Variants in MAST2 observed in about 807,000 individuals in gnomAD.
MAST2 encodes microtubule associated serine/threonine kinase 2.
In MAST2, 70 loss-of-function variants were observed where a neutral mutation model predicts 147.4. The observed-to-expected ratio is 0.47, with a 90% CI of 0.39 to 0.58. The LOEUF (loss-of-function observed/expected upper bound fraction) is 0.58. Among genes scored for constraint, MAST2 ranks in the 20% least tolerant of loss-of-function variants. MAST2 has a pLI of 0.00. For synonymous variants in MAST2, 869 were observed against 896.8 expected, an observed-to-expected ratio of 0.97 and a Z score of 0.55; for missense variants, 2,080 against 2,302.3, an observed-to-expected ratio of 0.90 and a Z score of 1.98.
chr1:46,031,185 C>A lies in MAST2; in HGVS notation c.2887C>A (p.Pro963Thr). 6.3e-7 allele frequency: 1 copy of A among 1,582,050 alleles called. No homozygotes were observed. Among genetic ancestry groups the A allele is most frequent in the Non-Finnish European group, 8.6e-7 (1 of 1,159,550 alleles). Reference protein sequence around the residue: ...QPQEGIWVLTPPSGEGVSGPV... With the variant: ...QPQEGIWVLTTPSGEGVSGPV... ...ACAGGAGGGTATATGGGTCCTGACA[C>A]CCCCATCTGGAGAGGGGGTATCTGG... The change falls in exon 23 of 29, where the codon CCC becomes ACC. Residue 963 changes from proline (P) to threonine (T), a missense_variant. Coordinates refer to ENST00000361297, the MANE Select transcript of MAST2 (RefSeq NM_015112.3). This position sits in a 1 kb window ranked among gnomAD's most constrained non-coding sequence, Gnocchi z 4.1.
At position 45,866,606 on chromosome 1, in the gene MAST2, A is replaced by G. The variant is rs548741730; in HGVS notation, c.469-15758A>G. Among the ~76,000 whole-genome samples the G allele has an allele frequency of 3.9e-5, 6 of 152,276 alleles. No homozygotes were observed. The South Asian group carries it at 8.3e-4, about 21-fold the overall frequency. ...CCTGAGTCAGTCTCTAGTATTTGCT[A>G]CCTTGTTTACTGATGCCCTTCCTCT... On this transcript the variant is annotated intron_variant, in intron 3 of 28. Transcript: ENST00000361297.
At chr1:45,822,264 G>A (rs959776433) in intron 1 of MAST2, among the ~76,000 whole-genome samples, 1 of 152,066 alleles carries the variant, frequency 6.6e-6, no homozygotes, top group Non-Finnish European at 1.5e-5. Context: ...TCTATGCTTA[G>A]GTATGTGTAC....
intron 7 of MAST2, among the ~76,000 whole-genome samples, chr1:46,003,956 G>C (rs923236822): frequency 6.6e-6 from 1 of 152,040 alleles, no homozygotes; most frequent in Non-Finnish European, 1.5e-5. Flanking sequence ...CCTGAATCTC[G>C]AGCAGGGAAA....
intron 4 of MAST2, among the ~76,000 whole-genome samples, chr1:45,930,242 T>C (rs890429250): frequency 2.6e-5 from 4 of 151,986 alleles, no homozygotes; most frequent in East Asian, 3.9e-4. Flanking sequence ...CACGCCTGGC[T>C]AATTTTTTTT....
intron 5 of MAST2, among the ~76,000 whole-genome samples, chr1:45,977,997 C>T (rs1477679479): frequency 6.6e-6 from 1 of 152,062 alleles, no homozygotes; most frequent in Admixed American, 6.6e-5. Context: ...GGGCGGATCA[C>T]TTGAGCCGAG....
At chr1:45,875,126 T>C (rs1646547581) in intron 3 of MAST2, among the ~76,000 whole-genome samples, 1 of 152,110 alleles carries the variant, frequency 6.6e-6, no homozygotes. Context: ...ATTGCAGAAT[T>C]ATAAGAGAGA....
intron 22 of MAST2, 49 bp from the exon 23 acceptor site, chr1:46,030,958 G>A: frequency 6.3e-7 from 1 of 1,588,106 alleles, no homozygotes; most frequent in South Asian, 1.1e-5. Context: ...GACCTGGCAG[G>A]AGGAGGGGGA....
intron 5 of MAST2, among the ~76,000 whole-genome samples, chr1:45,961,684 A>C (rs545558880): frequency 3.3e-5 from 5 of 152,334 alleles, no homozygotes; most frequent in African/African-American, 7.2e-5. Flanking sequence ...ACTGTAGACT[A>C]TACTTATCCA....
chr1:45,814,403 T>C (rs1027602176), intron 1 of MAST2, among the ~76,000 whole-genome samples: 2 of 152,194 alleles, frequency 1.3e-5, no homozygotes, highest in Non-Finnish European at 1.5e-5. Context: ...ATCTCGACCC[T>C]GTGTAGGCCT....
rs137942576 is a variant in MAST2 at position 45,830,140 on chromosome 1, G to A, written c.468+559G>A. Among the ~76,000 whole-genome samples the A allele has an allele frequency of 5.2e-3, 768 of 147,974 alleles. 7 individuals carry two copies. Among genetic ancestry groups the A allele is most frequent in the Non-Finnish European group, 9.4e-3 (628 of 67,112 alleles). Reference sequence around the variant, plus strand: ...CCAAAGTGCTGGGATTACAGGTGTGGGCCACCACTCCCGGCCTTAAGAATG... The same window carrying A: ...CCAAAGTGCTGGGATTACAGGTGTGAGCCACCACTCCCGGCCTTAAGAATG... On this transcript the variant is annotated intron_variant, in intron 3 of 28. Coordinates refer to ENST00000361297, the MANE Select transcript of MAST2 (RefSeq NM_015112.3).
Position 46,002,834 on chromosome 1 carries a change from C to T in MAST2, c.698C>T (p.Ser233Phe), listed in dbSNP as rs1479188154. 1 of 1,614,216 alleles carries T rather than the reference C, an allele frequency of 6.2e-7. No individual in the cohort carries two copies. Among genetic ancestry groups the T allele is most frequent in the Non-Finnish European group, 8.5e-7 (1 of 1,180,032 alleles). Residue 233 changes from serine (S) to phenylalanine (F), a missense_variant, in exon 7 of 29, where the codon TCT becomes TTT. Physicochemically the swap from Ser to Phe is radical, Grantham distance 155. This residue lies in a region of MAST2 where 569 missense variants were observed against 642.5 expected (regional missense o/e 0.89). Transcript: ENST00000361297. ...RTDGRRWSLASLPSSGYGTNT... is the reference protein window; with the variant it reads ...RTDGRRWSLAFLPSSGYGTNT... ...GATGGGCGGCGCTGGTCTTTGGCCT[C>T]TTTGCCCTCTTCAGGATATGGAACT...
At chr1:45,812,425 C>A (rs971676285) in intron 1 of MAST2, among the ~76,000 whole-genome samples, 6 of 121,680 alleles carry the variant, frequency 4.9e-5, no homozygotes, top group East Asian at 2.4e-4. Context: ...ATCTGTAAGC[C>A]TTTTTTTTTT....
intron 4 of MAST2, among the ~76,000 whole-genome samples, chr1:45,939,980 G>GGTTTTTT (rs1557937782): frequency 1.0e-5 from 1 of 97,334 alleles, no homozygotes; most frequent in Non-Finnish European, 2.0e-5. Context: ...TTTATTTAGG[G>GGTTTTTT]TTTTTTTTTT....
intron 3 of MAST2, among the ~76,000 whole-genome samples, chr1:45,859,019 A>T: frequency 6.6e-6 from 1 of 152,160 alleles, no homozygotes; most frequent in Admixed American, 6.5e-5. Flanking sequence ...GTAGCCTTGT[A>T]GTATAGTTTG....
At chr1:45,981,865 G>A (rs1195254860) in intron 5 of MAST2, among the ~76,000 whole-genome samples, 5 of 130,064 alleles carry the variant, frequency 3.8e-5, no homozygotes, top group Admixed American at 3.3e-4. Flanking sequence ...TTTTTTGAAA[G>A]AGTCTTGCTC....
chr1:45,971,762 T>TA (rs1334329831), intron 5 of MAST2, among the ~76,000 whole-genome samples: 1 of 152,214 alleles, frequency 6.6e-6, no homozygotes, highest in Non-Finnish European at 1.5e-5. Flanking sequence ...TCCACTATTA[T>TA]AGTCATCAAT....
chr1:45,988,718 C>A (rs114189885), intron 5 of MAST2, among the ~76,000 whole-genome samples: 6,161 of 152,042 alleles, frequency 0.041, 191 homozygotes, highest in Non-Finnish European at 0.061. Context: ...AGACTGTAAT[C>A]CATTAATACT....
chr1:45,878,059 C>T (rs951240651), intron 3 of MAST2, among the ~76,000 whole-genome samples: 1 of 151,998 alleles, frequency 6.6e-6, no homozygotes, highest in Non-Finnish European at 1.5e-5. Context: ...CAAAAATTAG[C>T]CAGGCATGGT....
chr1:45,945,596 T>C (rs1657914289), intron 4 of MAST2, among the ~76,000 whole-genome samples: 3 of 152,156 alleles, frequency 2.0e-5, no homozygotes, highest in Non-Finnish European at 2.9e-5. Context: ...AGAAGGATTG[T>C]TACTAATACA....
Sources: allele counts gnomAD v4.1 joint callset (sites outside exome capture counted in the v4.1 genomes callset), GRCh38; gene constraint gnomAD v4.1.1; regional missense constraint gnomAD v4.1.1; non-coding constraint Gnocchi (gnomAD v3.1); transcripts MANE v1.5; gene names NCBI Gene and HGNC (gene_info 2026-07-23, HGNC 2026-07-21).